The following EXOC4 variants were observed in gnomAD, a reference collection of about 807,000 sequenced individuals.
The protein encoded by EXOC4 is SEC8-like 1.
Under a neutral mutation model 107.2 loss-of-function variants are expected in EXOC4, and 71 were observed. The ratio of observed to expected loss-of-function variants is 0.66; its 90% CI spans 0.55 to 0.81. The LOEUF (loss-of-function observed/expected upper bound fraction) is 0.81, where lower values mean the gene tolerates loss of function less well. Ranked by LOEUF, EXOC4 falls within the 30% of genes least tolerant of loss-of-function variation. The pLI is 0.00. For missense variants in EXOC4, 1,108 were observed against 1,189.6 expected (o/e 0.93, Z 1.01); for synonymous variants, 456 against 441.2 (o/e 1.03, Z -0.42).
intron 9 of EXOC4, among the ~76,000 whole-genome samples, chr7:133,594,517 A>G (rs1245204464): frequency 8.9e-5 from 1 of 11,270 alleles, no homozygotes; most frequent in African/African-American, 4.6e-4. Context: ...TTTTTTTGAG[A>G]CGGAGTCTCG....
chr7:133,630,110 A>C lies in EXOC4; in HGVS notation c.1483A>C (p.Asn495His). Reference sequence around the variant, plus strand: ...ATTTGTCTGCAAACCTGGAGCCAGAAACATTACCGTCATATTCCACCCATT... The same window carrying C: ...ATTTGTCTGCAAACCTGGAGCCAGACACATTACCGTCATATTCCACCCATT... ...TKFVCKPGARNITVIFHPLLR... is the reference protein window; with the variant it reads ...TKFVCKPGARHITVIFHPLLR... Residue 495 changes from asparagine (N) to histidine (H), a missense_variant, in exon 10 of 18, where the codon AAC becomes CAC. Asn to His is a moderately conservative substitution (Grantham distance 68, BLOSUM62 1). Coordinates refer to ENST00000253861, the MANE Select transcript of EXOC4 (RefSeq NM_021807.4). The C allele has an allele frequency of 6.2e-7, 1 of 1,613,910 alleles. No homozygotes were observed.
intron 14 of EXOC4, among the ~76,000 whole-genome samples, chr7:133,957,850 A>C (rs1800851525): frequency 6.6e-6 from 1 of 152,228 alleles, no homozygotes; most frequent in South Asian, 2.1e-4. Flanking sequence ...CAATCTCCTT[A>C]ATTTTCTACT....
intron 10 of EXOC4, among the ~76,000 whole-genome samples, chr7:133,799,729 A>G (rs1182806573): frequency 6.6e-6 from 1 of 152,196 alleles, no homozygotes; most frequent in Non-Finnish European, 1.5e-5. Context: ...ATATACTGTG[A>G]AAGTTTGATG....
intron 6 of EXOC4, among the ~76,000 whole-genome samples, chr7:133,371,249 A>G (rs192685748): frequency 6.6e-6 from 1 of 152,292 alleles, no homozygotes; most frequent in Non-Finnish European, 1.5e-5. Context: ...TAATTGAGGT[A>G]TAATTCACTG....
At chr7:133,943,908 C>T (rs781332988) in intron 14 of EXOC4, among the ~76,000 whole-genome samples, 3 of 152,080 alleles carry the variant, frequency 2.0e-5, no homozygotes, top group African/African-American at 4.8e-5. Flanking sequence ...ATTCTAGCTG[C>T]AATTTTATAA....
At chr7:134,080,602 G>A in the EXOC4 span, among the ~76,000 whole-genome samples, 1 of 151,940 alleles carries the variant, frequency 6.6e-6, no homozygotes. Flanking sequence ...TTCAACTAGG[G>A]TGGTAGTAAT....
chr7:133,662,781 A>G (rs1191535725), intron 10 of EXOC4, among the ~76,000 whole-genome samples: 2 of 152,080 alleles, frequency 1.3e-5, no homozygotes, highest in African/African-American at 2.4e-5. Flanking sequence ...ATTTTTCTCT[A>G]TTTTGCCTAG....
chr7:133,368,239 G>A (rs2150677785), intron 6 of EXOC4, among the ~76,000 whole-genome samples: 1 of 152,320 alleles, frequency 6.6e-6, no homozygotes, highest in African/African-American at 2.4e-5. Context: ...AGGGACTGTA[G>A]AATCACAGAG....
chr7:133,429,939 C>T (rs1056913453), intron 7 of EXOC4, among the ~76,000 whole-genome samples: 1 of 152,202 alleles, frequency 6.6e-6, no homozygotes, highest in Non-Finnish European at 1.5e-5. Context: ...AGGGCTGGGA[C>T]AAACGCTTTT....
At chr7:133,303,136 G>A (rs1794678263) in intron 3 of EXOC4, among the ~76,000 whole-genome samples, 1 of 152,132 alleles carries the variant, frequency 6.6e-6, no homozygotes. Context: ...CTTAAAACCA[G>A]ATAAGATTAA....
chr7:133,682,467 C>A (rs778032159), intron 10 of EXOC4, among the ~76,000 whole-genome samples: 21 of 152,156 alleles, frequency 1.4e-4, no homozygotes, highest in Admixed American at 4.6e-4. Context: ...TATCACCTCC[C>A]ACCATGATTC....
chr7:133,853,070 A>G (rs1798268909), intron 11 of EXOC4, among the ~76,000 whole-genome samples: 1 of 152,192 alleles, frequency 6.6e-6, no homozygotes, highest in African/African-American at 2.4e-5. Flanking sequence ...AGAATCCAGT[A>G]AATGGCTGTA....
intron 10 of EXOC4, among the ~76,000 whole-genome samples, chr7:133,812,787 C>T (rs118071892): frequency 0.021 from 3,166 of 151,936 alleles, 278 homozygotes; most frequent in Admixed American, 0.16. Context: ...TTCTAGTATC[C>T]ACACATTGTT....
At chr7:133,443,967 G>A (rs370086780) in intron 7 of EXOC4, among the ~76,000 whole-genome samples, 8 of 152,156 alleles carry the variant, frequency 5.3e-5, no homozygotes, top group East Asian at 3.9e-4. Flanking sequence ...CTGACAGACC[G>A]CAGGAACTAT....
At chr7:133,390,024 G>T (rs577164800) in intron 7 of EXOC4, among the ~76,000 whole-genome samples, 9 of 152,140 alleles carry the variant, frequency 5.9e-5, no homozygotes, top group Admixed American at 1.3e-4. Flanking sequence ...ACCTCCCACT[G>T]GGTCCTTCCC....
At chr7:133,274,687 G>C (rs1793947353) in intron 1 of EXOC4, among the ~76,000 whole-genome samples, 1 of 152,176 alleles carries the variant, frequency 6.6e-6, no homozygotes, top group Non-Finnish European at 1.5e-5. Context: ...CAAATCAAGA[G>C]TTACCCAGTC....
chr7:133,971,065 G>A (rs1470287767), intron 14 of EXOC4, among the ~76,000 whole-genome samples: 2 of 151,938 alleles, frequency 1.3e-5, no homozygotes, highest in Non-Finnish European at 2.9e-5. Flanking sequence ...GAGATATAGA[G>A]GTTATAAACT....
intron 14 of EXOC4, among the ~76,000 whole-genome samples, chr7:133,986,324 A>C (rs1209381518): frequency 6.6e-6 from 1 of 152,264 alleles, no homozygotes; most frequent in Admixed American, 6.5e-5. Context: ...TTCTTAGATA[A>C]GGCCCATCCT....
At chr7:134,010,179 C>G (rs1794731479) in intron 17 of EXOC4, 1 of 152,196 alleles carries the variant, frequency 6.6e-6, no homozygotes, top group Non-Finnish European at 1.5e-5. Flanking sequence ...GAGGCCGAGA[C>G]TCTTTTCTCA....
Sources: allele counts gnomAD v4.1 joint callset (sites outside exome capture counted in the v4.1 genomes callset), GRCh38; gene constraint gnomAD v4.1.1; transcripts MANE v1.5; gene names NCBI Gene and HGNC (gene_info 2026-07-23, HGNC 2026-07-21).